ZDHHC14: variants seen among roughly 807,000 people sequenced by gnomAD.
ZDHHC14 encodes the protein palmitoyltransferase ZDHHC14.
In ZDHHC14, 16 loss-of-function variants were observed where a neutral mutation model predicts 47.7. That is an observed-to-expected ratio of 0.34 (90% confidence interval 0.23 to 0.51). The LOEUF is 0.51. ZDHHC14 is among the 20% of genes least tolerant of loss of function. ZDHHC14 has a pLI of 0.97. For synonymous variants in ZDHHC14, 293 were observed against 278.9 expected (o/e 1.05, Z -0.50); for missense variants, 515 against 662.5 (o/e 0.78, Z 2.44).
At chr6:157,415,964 C>A (rs1777965289) in intron 1 of ZDHHC14, among the ~76,000 whole-genome samples, 1 of 152,048 alleles carries the variant, frequency 6.6e-6, no homozygotes, top group Non-Finnish European at 1.5e-5. Flanking sequence ...ACAGCATATT[C>A]ACTCAGTAAT....
intron 1 of ZDHHC14, among the ~76,000 whole-genome samples, chr6:157,456,393 C>A (rs981173969): frequency 1.3e-5 from 2 of 152,160 alleles, no homozygotes; most frequent in African/African-American, 2.4e-5. Context: ...AGAATCAAGG[C>A]CTGGCCTAGA....
At chr6:157,635,630 T>C (rs1776933816) in intron 5 of ZDHHC14, among the ~76,000 whole-genome samples, 1 of 152,118 alleles carries the variant, frequency 6.6e-6, no homozygotes, top group South Asian at 2.1e-4. Context: ...GCCAGAACCT[T>C]CTTTGAGAGC....
At chr6:157,581,699 T>C (rs1366360504) in intron 2 of ZDHHC14, among the ~76,000 whole-genome samples, 1 of 150,850 alleles carries the variant, frequency 6.6e-6, no homozygotes, top group African/African-American at 2.5e-5. Context: ...TTGATCTCTG[T>C]TGGTTTAAAG....
intron 1 of ZDHHC14, among the ~76,000 whole-genome samples, chr6:157,396,491 T>C (rs550745436): frequency 7.9e-5 from 12 of 152,364 alleles, no homozygotes; most frequent in Middle Eastern, 3.4e-3. Flanking sequence ...ATGGTCTATT[T>C]GTCTTTTTAA....
At chr6:157,655,901 G>C (rs9347471) in intron 8 of ZDHHC14, among the ~76,000 whole-genome samples, 32,604 of 152,104 alleles carry the variant, frequency 0.21, 4,257 homozygotes, top group East Asian at 0.53. Flanking sequence ...TCTACACTTT[G>C]TTGAGATTAA....
chr6:157,661,120 A>AG (rs1485825254), intron 8 of ZDHHC14, among the ~76,000 whole-genome samples: 1 of 147,704 alleles, frequency 6.8e-6, no homozygotes, highest in African/African-American at 2.5e-5. Flanking sequence ...GTGTTTCAAG[A>AG]GGGGGTGCAA....
chr6:157,515,621 G>T (rs917518279), intron 1 of ZDHHC14, among the ~76,000 whole-genome samples: 2 of 151,700 alleles, frequency 1.3e-5, no homozygotes, highest in Non-Finnish European at 2.9e-5. Flanking sequence ...CCGCCACCAC[G>T]CCCGGCTAAT....
chr6:157,671,825 CTT>C (rs1328972089), intron 8 of ZDHHC14, among the ~76,000 whole-genome samples: 1 of 152,154 alleles, frequency 6.6e-6, no homozygotes, highest in Non-Finnish European at 1.5e-5. Flanking sequence ...ACCAAACAGT[CTT>C]TTCTTTTTTT....
chr6:157,559,338 C>T (rs899116208), intron 2 of ZDHHC14, among the ~76,000 whole-genome samples: 10 of 152,206 alleles, frequency 6.6e-5, no homozygotes, highest in African/African-American at 2.2e-4. Context: ...CAGTCGGCCC[C>T]GCTTCCTGGC....
chr6:157,422,594 T>C (rs1778133529), intron 1 of ZDHHC14, among the ~76,000 whole-genome samples: 1 of 152,222 alleles, frequency 6.6e-6, no homozygotes, highest in African/African-American at 2.4e-5. Context: ...AAGCTTCTCA[T>C]GGGCACTTGC....
At chr6:157,667,025 C>G (rs1778581819) in intron 8 of ZDHHC14, among the ~76,000 whole-genome samples, 1 of 152,180 alleles carries the variant, frequency 6.6e-6, no homozygotes, top group Non-Finnish European at 1.5e-5. Flanking sequence ...CATAGACACT[C>G]TTACAAGAAA....
intron 1 of ZDHHC14, 38 bp downstream of exon 1, chr6:157,382,304 C>G (rs765865113): frequency 6.2e-7 from 1 of 1,606,356 alleles, no homozygotes; most frequent in South Asian, 1.1e-5. Context: ...GCCGCACTCC[C>G]CTGGTCTCCC....
chr6:157,540,910 G>GTGTGTGTGTATATATATATATATATATA (rs1284429244), intron 1 of ZDHHC14, among the ~76,000 whole-genome samples: 11 of 122,978 alleles, frequency 8.9e-5, no homozygotes, highest in African/African-American at 4.8e-4. Flanking sequence ...GTGTGTGTGT[G>GTGTGTGTGTATATATATATATATATATA]TATATATATA....
chr6:157,589,374 C>T (rs143842314), intron 2 of ZDHHC14, among the ~76,000 whole-genome samples: 5,769 of 152,194 alleles, frequency 0.038, 302 homozygotes, highest in African/African-American at 0.12. Context: ...ATCAACATCT[C>T]GGAGGAGTTT....
At chr6:157,587,958 A>G (rs1169416180) in intron 2 of ZDHHC14, among the ~76,000 whole-genome samples, 1 of 152,148 alleles carries the variant, frequency 6.6e-6, no homozygotes, top group Non-Finnish European at 1.5e-5. Flanking sequence ...TGTCTCTATA[A>G]AAAATTTAAA....
intron 5 of ZDHHC14, among the ~76,000 whole-genome samples, chr6:157,634,918 C>T (rs1363199239): frequency 2.0e-5 from 3 of 152,186 alleles, no homozygotes; most frequent in East Asian, 1.9e-4. Flanking sequence ...CTGCTCCGTA[C>T]GTGTCCCCTG....
intron 1 of ZDHHC14, among the ~76,000 whole-genome samples, chr6:157,531,164 G>T (rs1427023492): frequency 1.3e-5 from 2 of 152,124 alleles, no homozygotes; most frequent in African/African-American, 4.8e-5. Context: ...CGTGGACCCA[G>T]ATGTCCCGGG....
intron 5 of ZDHHC14, 51 bp from the exon 6 acceptor site, chr6:157,645,686 C>T: frequency 6.7e-7 from 1 of 1,487,726 alleles, no homozygotes; most frequent in South Asian, 1.2e-5. Context: ...TCCATCACAT[C>T]CACTTCTTGC....
intron 1 of ZDHHC14, among the ~76,000 whole-genome samples, chr6:157,384,246 C>T (rs150814288): frequency 1.3e-5 from 2 of 152,224 alleles, no homozygotes; most frequent in African/African-American, 4.8e-5. Flanking sequence ...CTGTATATAC[C>T]CAAGTCCCCA....
Sources: allele counts gnomAD v4.1 joint callset (sites outside exome capture counted in the v4.1 genomes callset), GRCh38; gene constraint gnomAD v4.1.1; transcripts MANE v1.5; gene names NCBI Gene and HGNC (gene_info 2026-07-23, HGNC 2026-07-21).